The following ACSS3 variants were observed in gnomAD, a reference collection of about 807,000 sequenced individuals.
The protein encoded by ACSS3 is acyl-CoA synthetase short-chain family member 3, mitochondrial.
In ACSS3, 64 loss-of-function variants were observed where a neutral mutation model predicts 84.2. The observed-to-expected ratio is 0.76, with a 90% confidence interval of 0.62 to 0.94. The LOEUF is 0.94. Among genes scored for constraint, ACSS3 ranks in the 40% least tolerant of loss-of-function variants. The pLI, the probability that ACSS3 is intolerant of heterozygous loss-of-function variation, is 0.00. For synonymous variants in ACSS3, 317 were observed against 310.1 expected (o/e 1.02, Z -0.23); for missense variants, 815 against 867.6 (o/e 0.94, Z 0.76).
chr12:81,204,429 C>T (rs1162089724), intron 9 of ACSS3, among the ~76,000 whole-genome samples: 1 of 150,782 alleles, frequency 6.6e-6, no homozygotes, highest in East Asian at 2.0e-4. Context: ...CCCTCCCTCC[C>T]TTCTTTTATT....
intron 1 of ACSS3, among the ~76,000 whole-genome samples, chr12:81,102,518 C>T (rs1882599753): frequency 6.6e-6 from 1 of 152,098 alleles, no homozygotes; most frequent in Admixed American, 6.6e-5. Context: ...AACTATGTTT[C>T]ACTTTTCAAA....
chr12:81,145,047 C>A (rs1252580926), intron 5 of ACSS3, among the ~76,000 whole-genome samples: 1 of 149,172 alleles, frequency 6.7e-6, no homozygotes, highest in Non-Finnish European at 1.5e-5. Context: ...ACTACAGGCG[C>A]CCGCCACCAC....
At chr12:81,186,155 C>T (rs1012403304) in intron 8 of ACSS3, among the ~76,000 whole-genome samples, 4 of 151,572 alleles carry the variant, frequency 2.6e-5, no homozygotes, top group African/African-American at 7.3e-5. Context: ...TGGGTTTCCA[C>T]ATATAAAAGA....
intron 11 of ACSS3, among the ~76,000 whole-genome samples, chr12:81,225,991 A>G (rs2033260990): frequency 6.6e-6 from 1 of 151,936 alleles, no homozygotes; most frequent in Admixed American, 6.6e-5. Context: ...GCCTTTGTGC[A>G]TTAAGCCACT....
intron 2 of ACSS3, among the ~76,000 whole-genome samples, chr12:81,130,284 C>CCTGT (rs1885403853): frequency 6.6e-6 from 1 of 152,132 alleles, no homozygotes; most frequent in Admixed American, 6.5e-5. Context: ...CTGTCCAGCA[C>CCTGT]CTGTTGTTTC....
chr12:81,083,750 T>A (rs1279400917), intron 1 of ACSS3, among the ~76,000 whole-genome samples: 1 of 151,990 alleles, frequency 6.6e-6, no homozygotes, highest in African/African-American at 2.4e-5. Context: ...GGCAGGCAGA[T>A]GACGACGTCA....
intron 1 of ACSS3, among the ~76,000 whole-genome samples, chr12:81,088,449 C>G (rs371876857): frequency 5.3e-5 from 8 of 152,000 alleles, no homozygotes; most frequent in African/African-American, 1.7e-4. Context: ...AAATAGCTAA[C>G]CTTTTTATTA....
chr12:81,226,101 G>A (rs2033263565), intron 11 of ACSS3, among the ~76,000 whole-genome samples: 1 of 151,806 alleles, frequency 6.6e-6, no homozygotes, highest in Non-Finnish European at 1.5e-5. Context: ...CAGTCTAGCT[G>A]TTGCTTTCCC....
intron 2 of ACSS3, among the ~76,000 whole-genome samples, chr12:81,127,095 A>G (rs1321370193): frequency 2.0e-5 from 3 of 151,928 alleles, no homozygotes; most frequent in South Asian, 4.2e-4. Flanking sequence ...TAAAAGAAAG[A>G]TTTTTCTTTT....
At chr12:81,110,573 C>A (rs1304029129) in intron 2 of ACSS3, among the ~76,000 whole-genome samples, 1 of 152,158 alleles carries the variant, frequency 6.6e-6, no homozygotes, top group African/African-American at 2.4e-5. Flanking sequence ...GGTAATGGTG[C>A]AAGGCAGGAT....
chr12:81,083,020 A>G (rs1881082462), intron 1 of ACSS3, among the ~76,000 whole-genome samples: 1 of 152,186 alleles, frequency 6.6e-6, no homozygotes, highest in African/African-American at 2.4e-5. Flanking sequence ...TTAAAGTAGG[A>G]CTTAGGAGGA....
intron 2 of ACSS3, among the ~76,000 whole-genome samples, chr12:81,111,304 A>G (rs4306334): frequency 0.35 from 53,390 of 152,076 alleles, 11,875 homozygotes; most frequent in Non-Finnish European, 0.5. Context: ...AACATCTGTC[A>G]TGCTGAACCC....
chr12:81,173,659 AT>A (rs1444375718), intron 7 of ACSS3, among the ~76,000 whole-genome samples: 1 of 152,112 alleles, frequency 6.6e-6, no homozygotes, highest in East Asian at 1.9e-4. Flanking sequence ...TGATATCATC[AT>A]TTTTTTGTTG....
chr12:81,242,343 A>C (rs1019212637), intron 13 of ACSS3, among the ~76,000 whole-genome samples: 1 of 152,040 alleles, frequency 6.6e-6, no homozygotes, highest in African/African-American at 2.4e-5. Flanking sequence ...CAATAACAGG[A>C]GCTGAAATTG....
chr12:81,219,965 C>A, intron 10 of ACSS3, 48 bp from the exon 11 acceptor site: 1 of 1,271,802 alleles, frequency 7.9e-7, no homozygotes, highest in Non-Finnish European at 1.1e-6. Flanking sequence ...AATGTTTAAG[C>A]TTTAAGATTA....
Position 81,191,108 on chromosome 12 carries a change from G to A in ACSS3, c.1251-8233G>A, listed in dbSNP as rs74103929. Among the ~76,000 whole-genome samples, 1,138 of 151,870 alleles carry A rather than the reference G, an allele frequency of 7.5e-3. 13 individuals are homozygous for A. The highest frequency in any genetic ancestry group is 0.026 in the African/African-American group (1,082 of 41,476). ...CTATATAACTTATGTTTTCATACAT[G>A]CACAGCCTCCCCTACTATGAACATC... On this transcript the variant is annotated intron_variant, in intron 8 of 15. Transcript: ENST00000548058.
At chr12:81,149,022 G>A (rs1053188856) in intron 5 of ACSS3, among the ~76,000 whole-genome samples, 4 of 151,858 alleles carry the variant, frequency 2.6e-5, no homozygotes, top group African/African-American at 9.7e-5. Flanking sequence ...GGAGGTTGTA[G>A]TGAGCAAGAT....
intron 1 of ACSS3, among the ~76,000 whole-genome samples, chr12:81,101,110 T>C (rs1022668196): frequency 1.3e-5 from 2 of 152,158 alleles, no homozygotes; most frequent in African/African-American, 4.8e-5. Context: ...AGAAGCAAAA[T>C]TTTTATGGCC....
Position 81,112,772 on chromosome 12 carries a change from C to T in ACSS3, c.456+3068C>T, listed in dbSNP as rs78866889. Among the ~76,000 whole-genome samples the T allele has an allele frequency of 8.4e-3, 1,282 of 152,220 alleles. 16 individuals carry two copies. The highest frequency in any genetic ancestry group is 0.047 in the East Asian group (242 of 5,176). On this transcript the variant is annotated intron_variant, in intron 2 of 15. Coordinates refer to ENST00000548058, the MANE Select transcript of ACSS3 (RefSeq NM_024560.4). ...ACAAACGAAAAGAAGTGCCTTTGTA[C>T]ATTACTTGTTTTACTCTCCCATGTT...
Sources: gnomAD v4.1 joint callset for allele counts (sites outside exome capture counted in the v4.1 genomes callset) on GRCh38, gnomAD v4.1.1 for gene constraint, MANE v1.5 for transcripts, NCBI Gene and HGNC (gene_info 2026-07-23, HGNC 2026-07-21) for gene names.